RBFOX3: variants seen among roughly 807,000 people sequenced by gnomAD.
The protein encoded by RBFOX3 is RNA binding protein fox-1 homolog 3.
RBFOX3 carries 17 observed loss-of-function variants against 48.7 expected under a neutral mutation model. The observed-to-expected ratio is 0.35, with a 90% CI of 0.24 to 0.52. The LOEUF (loss-of-function observed/expected upper bound fraction) is 0.52. Among genes scored for constraint, RBFOX3 ranks in the 20% least tolerant of loss-of-function variants. The pLI, the probability that RBFOX3 is intolerant of heterozygous loss-of-function variation, is 0.94. For synonymous variants in RBFOX3, 212 were observed against 209.5 expected (o/e 1.01, Z -0.10); for missense variants, 382 against 497.5 (o/e 0.77, Z 2.21).
intron 1 of RBFOX3, among the ~76,000 whole-genome samples, chr17:79,527,250 A>C (rs2086919334): frequency 6.6e-6 from 1 of 152,216 alleles, no homozygotes; most frequent in Non-Finnish European, 1.5e-5. Flanking sequence ...CAGGAGCTTC[A>C]ATTCAGTTGG....
intron 5 of RBFOX3, among the ~76,000 whole-genome samples, chr17:79,114,135 C>T (rs1052757076): frequency 3.3e-5 from 5 of 152,156 alleles, no homozygotes; most frequent in African/African-American, 7.2e-5. Flanking sequence ...CAGAAGGAGA[C>T]CCAGCCTGCT....
chr17:79,629,399 C>T, the RBFOX3 span, among the ~76,000 whole-genome samples: 1 of 152,132 alleles, frequency 6.6e-6, no homozygotes, highest in Admixed American at 6.5e-5. Flanking sequence ...GGGACAGTGT[C>T]GAATCCCACC....
At chr17:79,424,006 C>A (rs72853533) in intron 2 of RBFOX3, 3,256 of 152,816 alleles carry the variant, frequency 0.021, 65 homozygotes, top group Non-Finnish European at 0.03. Context: ...CCAAGGAGAC[C>A]TCCCTGCCCC....
At chr17:79,218,013 A>T (rs1400781153) in intron 4 of RBFOX3, among the ~76,000 whole-genome samples, 1 of 151,742 alleles carries the variant, frequency 6.6e-6, no homozygotes, top group Non-Finnish European at 1.5e-5. Context: ...GCTGAGTGGG[A>T]AGTCGGGGTA....
At chr17:79,522,370 T>C (rs1215211071) in intron 1 of RBFOX3, among the ~76,000 whole-genome samples, 3 of 152,116 alleles carry the variant, frequency 2.0e-5, no homozygotes, top group Non-Finnish European at 4.4e-5. Flanking sequence ...CCTCAGGAGC[T>C]AGAGGCCCCC....
At chr17:79,600,330 T>G (rs2093676931) in intron 1 of RBFOX3, 2 of 152,340 alleles carry the variant, frequency 1.3e-5, no homozygotes, top group African/African-American at 4.8e-5. Context: ...CATGCATGCC[T>G]GTGTGCACAC....
intron 4 of RBFOX3, among the ~76,000 whole-genome samples, chr17:79,148,923 G>C (rs1349697565): frequency 6.6e-6 from 1 of 152,198 alleles, no homozygotes; most frequent in Admixed American, 6.5e-5. Context: ...GGGATGGAGG[G>C]GGACAGCCTG....
At chr17:79,147,469 T>C (rs149916402) in intron 4 of RBFOX3, among the ~76,000 whole-genome samples, 2 of 152,294 alleles carry the variant, frequency 1.3e-5, no homozygotes, top group African/African-American at 4.8e-5. Context: ...GCCTGGCCCA[T>C]GCTGTGCGCC....
chr17:79,170,023 CAGGAAGGAGAGA>C (rs1252263678), intron 4 of RBFOX3, among the ~76,000 whole-genome samples: 1 of 135,280 alleles, frequency 7.4e-6, no homozygotes, highest in African/African-American at 3.0e-5. Context: ...GAGGGAAGGG[CAGGAAGGAGAGA>C]AGGAAGGAGA....
rs575633492 is a variant in RBFOX3 at position 79,214,401 on chromosome 17, A to C, written c.-34+21365T>G. ...AAGCCCTCCCGCCCGCAGGTCCAGCAACCAGGGAGGGTGGGGGCTCTCTTC... is the reference window on the plus strand; with the variant it reads ...AAGCCCTCCCGCCCGCAGGTCCAGCCACCAGGGAGGGTGGGGGCTCTCTTC... On this transcript the variant is annotated intron_variant, in intron 4 of 14. Transcript: ENST00000693108. The surrounding 1 kb of genome is among the most constrained non-coding windows in gnomAD (Gnocchi z 4.7). Among the ~76,000 whole-genome samples, 1 of 152,310 alleles carries C rather than the reference A, an allele frequency of 6.6e-6. No individual in the cohort carries two copies. The highest frequency in any genetic ancestry group is 6.5e-5 in the Admixed American group (1 of 15,300).
At position 79,390,710 on chromosome 17, in the gene RBFOX3, C is replaced by T. The variant is rs892450498; in HGVS notation, c.-174-82886G>A. 6.6e-6 allele frequency among the ~76,000 whole-genome samples: 1 copy of T among 152,208 alleles called. No individual in the cohort carries two copies. Among genetic ancestry groups the T allele is most frequent in the African/African-American group, 2.4e-5 (1 of 41,444 alleles). On this transcript the variant is annotated intron_variant, in intron 2 of 14. Transcript: ENST00000693108. This position sits in a 1 kb window ranked among gnomAD's most constrained non-coding sequence, Gnocchi z 4.2. ...CAGGCTGGTCTCGAACTCCTTATCTCAGACAATCTGCCCGTCTCGGCCTCC... is the reference window on the plus strand; with the variant it reads ...CAGGCTGGTCTCGAACTCCTTATCTTAGACAATCTGCCCGTCTCGGCCTCC...
intron 2 of RBFOX3, among the ~76,000 whole-genome samples, chr17:79,414,880 T>G (rs942169261): frequency 5.3e-5 from 8 of 152,370 alleles, no homozygotes; most frequent in Non-Finnish European, 8.8e-5. Flanking sequence ...GCAGTGGGTC[T>G]GGGACAGAGC....
chr17:79,400,096 G>A (rs990339046), intron 2 of RBFOX3, among the ~76,000 whole-genome samples: 1 of 152,164 alleles, frequency 6.6e-6, no homozygotes, highest in Admixed American at 6.5e-5. Context: ...GATTCTCGGG[G>A]AATGGGGTTT....
At chr17:79,611,935 C>T (rs1482968431), upstream of RBFOX3, among the ~76,000 whole-genome samples, 1 of 152,104 alleles carries the variant, frequency 6.6e-6, no homozygotes, top group African/African-American at 2.4e-5. Context: ...GTCCCCAGTC[C>T]CAGCCTCCCC....
At chr17:79,500,341 T>C (rs1226156112) in intron 1 of RBFOX3, among the ~76,000 whole-genome samples, 8 of 132,890 alleles carry the variant, frequency 6.0e-5, no homozygotes, top group African/African-American at 2.3e-4. Flanking sequence ...CACTGCAACC[T>C]CCGCCTCCGG....
chr17:79,627,814 T>TCTC, the RBFOX3 span, among the ~76,000 whole-genome samples: 2 of 30,572 alleles, frequency 6.5e-5, no homozygotes, highest in Middle Eastern at 0.019. Context: ...CTAGTTTCTG[T>TCTC]CTCCTCCAGG....
intron 2 of RBFOX3, among the ~76,000 whole-genome samples, chr17:79,428,116 G>A (rs183279924): frequency 1.9e-3 from 290 of 152,358 alleles, no homozygotes; most frequent in African/African-American, 6.5e-3. Flanking sequence ...GACAGACTCC[G>A]CCTGCAGCAA....
rs911964961 is a variant in RBFOX3 at position 79,516,719 on chromosome 17, C to T, written c.-319-34121G>A. The stretch of plus-strand genomic sequence containing the variant: ...TTGGGGCCTCCCCAGGTGTGCCCTC[C>T]GAAAGCACGCTGGAGCAACACACTG... On this transcript the variant is annotated intron_variant, in intron 1 of 14. Transcript: ENST00000693108. Among the ~76,000 whole-genome samples the T allele has an allele frequency of 6.6e-3, 1,010 of 152,276 alleles. 13 individuals are homozygous for T. The highest frequency in any genetic ancestry group is 0.02 in the Middle Eastern group (6 of 294).
At chr17:79,407,086 C>T (rs749047862) in intron 2 of RBFOX3, among the ~76,000 whole-genome samples, 1 of 152,256 alleles carries the variant, frequency 6.6e-6, no homozygotes, top group African/African-American at 2.4e-5. Context: ...TGGCTCACTG[C>T]AACCTCTGCC....
Sources: allele counts gnomAD v4.1 joint callset (sites outside exome capture counted in the v4.1 genomes callset), GRCh38; gene constraint gnomAD v4.1.1; non-coding constraint Gnocchi (gnomAD v3.1); transcripts MANE v1.5; gene names NCBI Gene and HGNC (gene_info 2026-07-23, HGNC 2026-07-21).